The following HMBOX1 variants were observed in gnomAD, a reference collection of about 807,000 sequenced individuals.
HMBOX1 encodes homeobox-containing protein 1.
In HMBOX1, 14 loss-of-function variants were observed where a neutral mutation model predicts 54.5. The observed-to-expected ratio is 0.26, with a 90% CI of 0.17 to 0.40. The LOEUF is 0.40. Among genes scored for constraint, HMBOX1 ranks in the 10% least tolerant of loss-of-function variants. The pLI is 1.00. For missense variants in HMBOX1, 332 were observed against 514.4 expected (o/e 0.65, Z 3.43); for synonymous variants, 160 against 181.0 (o/e 0.88, Z 0.93).
chr8:28,973,082 C>G (rs970826406), intron 3 of HMBOX1, among the ~76,000 whole-genome samples: 7 of 152,140 alleles, frequency 4.6e-5, no homozygotes, highest in Non-Finnish European at 1.0e-4. Context: ...TGCACCCTCA[C>G]CCACTGCTGC....
chr8:28,913,226 G>A (rs1487308984), intron 1 of HMBOX1, among the ~76,000 whole-genome samples: 1 of 152,106 alleles, frequency 6.6e-6, no homozygotes, highest in East Asian at 1.9e-4. Context: ...TTAAACCCTT[G>A]CCCTTAGGGT....
intron 1 of HMBOX1, among the ~76,000 whole-genome samples, chr8:28,902,771 G>T (rs1813475194): frequency 1.1e-5 from 1 of 89,792 alleles, no homozygotes; most frequent in Admixed American, 1.4e-4. Context: ...AGTCATGCAG[G>T]CCTGCCTGTG....
intron 6 of HMBOX1, among the ~76,000 whole-genome samples, chr8:29,027,226 A>G (rs560251389): frequency 2.3e-4 from 35 of 152,346 alleles, no homozygotes; most frequent in African/African-American, 8.4e-4. Context: ...TGATTCTACA[A>G]TGCTCAAACG....
At chr8:29,014,005 G>A (rs770887020) in intron 5 of HMBOX1, among the ~76,000 whole-genome samples, 1 of 152,076 alleles carries the variant, frequency 6.6e-6, no homozygotes, top group Non-Finnish European at 1.5e-5. Flanking sequence ...TCAGGGAAAC[G>A]TGTGTGACAT....
intron 1 of HMBOX1, 117 bp from the exon 2 acceptor site, chr8:28,963,694 A>G: frequency 2.0e-6 from 1 of 503,572 alleles, no homozygotes. Context: ...AGAAGATATA[A>G]TATTTAACAT....
chr8:29,049,262 C>A, intron 9 of HMBOX1: 1 of 1,527,414 alleles, frequency 6.5e-7, no homozygotes, highest in Non-Finnish European at 8.8e-7. Flanking sequence ...TCGTTATTCA[C>A]CCACATGGAT....
At chr8:28,892,655 TA>T (rs1423547908) in intron 1 of HMBOX1, among the ~76,000 whole-genome samples, 1 of 152,180 alleles carries the variant, frequency 6.6e-6, no homozygotes, top group Non-Finnish European at 1.5e-5. Flanking sequence ...ACCATTGATT[TA>T]AAATTTTTGC....
At chr8:29,046,764 T>C (rs1046064519) in intron 7 of HMBOX1, among the ~76,000 whole-genome samples, 1 of 152,204 alleles carries the variant, frequency 6.6e-6, no homozygotes, top group East Asian at 1.9e-4. Flanking sequence ...GCAGATCGCC[T>C]GAGCCCAGGA....
intron 1 of HMBOX1, among the ~76,000 whole-genome samples, chr8:28,912,612 C>CT: frequency 6.6e-6 from 1 of 152,120 alleles, no homozygotes; most frequent in South Asian, 2.1e-4. Context: ...ATGATCATTC[C>CT]TTCTTTATGA....
At chr8:28,892,503 A>G (rs774150282) in intron 1 of HMBOX1, among the ~76,000 whole-genome samples, 2 of 152,178 alleles carry the variant, frequency 1.3e-5, no homozygotes, top group African/African-American at 4.8e-5. Flanking sequence ...CATAATTTCT[A>G]TTTCGACTGT....
chr8:28,950,249 T>G (rs997188024), intron 1 of HMBOX1, among the ~76,000 whole-genome samples: 10 of 152,192 alleles, frequency 6.6e-5, no homozygotes, highest in Non-Finnish European at 1.0e-4. Context: ...AAAAATACTC[T>G]TGGACCCCCA....
At chr8:29,013,738 A>G (rs1182197953) in intron 5 of HMBOX1, among the ~76,000 whole-genome samples, 1 of 152,226 alleles carries the variant, frequency 6.6e-6, no homozygotes, top group Non-Finnish European at 1.5e-5. Context: ...TTTAAAAAAA[A>G]GTGAGTGCTA....
chr8:28,985,359 T>C (rs35558476), intron 4 of HMBOX1, among the ~76,000 whole-genome samples: 4,784 of 152,234 alleles, frequency 0.031, 264 homozygotes, highest in African/African-American at 0.11. Context: ...AGGATTCAAC[T>C]CACATCACCT....
At chr8:29,009,219 C>A in intron 5 of HMBOX1, 37 bp downstream of exon 5, 2 of 1,476,222 alleles carry the variant, frequency 1.4e-6, no homozygotes, top group Non-Finnish European at 1.9e-6. Flanking sequence ...GCATCTGAAA[C>A]AAGACAGATA....
intron 1 of HMBOX1, among the ~76,000 whole-genome samples, chr8:28,957,227 A>G (rs992458879): frequency 6.6e-6 from 1 of 152,238 alleles, no homozygotes; most frequent in African/African-American, 2.4e-5. Context: ...AATGCTACCC[A>G]TAAAAAAAGA....
Position 28,970,980 on chromosome 8 carries a change from TGACACACACACACA to T in HMBOX1, c.500+462_500+475del, listed in dbSNP as rs1273966984. Among the ~76,000 whole-genome samples the T allele has an allele frequency of 1.2e-4, 11 of 92,444 alleles. No homozygotes were observed. Among genetic ancestry groups the T allele is most frequent in the South Asian group, 3.8e-4 (1 of 2,636 alleles). 60.6% of individuals were successfully genotyped at this position (92,444 alleles called of 152,430 possible). ...TATAGGTTCTAATTTTAGCAATAGA[TGACACACACACACA>T]CACACACACACACACACACACACAC... On this transcript the variant is annotated intron_variant, in intron 3 of 9. Transcript: ENST00000287701. This position sits in a 1 kb window ranked among gnomAD's most constrained non-coding sequence, Gnocchi z 4.3.
chr8:29,047,564 CTTTTTTT>C (rs33978272), intron 8 of HMBOX1, 111 bp downstream of exon 8: 21 of 307,960 alleles, frequency 6.8e-5, no homozygotes, highest in Middle Eastern at 9.8e-4. Flanking sequence ...CCTAACTTCT[CTTTTTTT>C]TTTTTTTTTT....
chr8:29,027,942 G>C (rs1586584700), intron 6 of HMBOX1, among the ~76,000 whole-genome samples: 1 of 152,118 alleles, frequency 6.6e-6, no homozygotes, highest in African/African-American at 2.4e-5. Flanking sequence ...TATTGAATGT[G>C]TTTTTGTTAT....
intron 6 of HMBOX1, 39 bp downstream of exon 6, chr8:29,018,952 T>TA (rs762210636): frequency 6.3e-7 from 1 of 1,599,762 alleles, no homozygotes; most frequent in East Asian, 2.2e-5. Flanking sequence ...CTCCCAAACT[T>TA]AGGGAAGACA....
Sources: allele counts gnomAD v4.1 joint callset (sites outside exome capture counted in the v4.1 genomes callset), GRCh38; gene constraint gnomAD v4.1.1; non-coding constraint Gnocchi (gnomAD v3.1); transcripts MANE v1.5; gene names NCBI Gene and HGNC (gene_info 2026-07-23, HGNC 2026-07-21).